Variants in SEC14L1 observed in about 807,000 individuals in gnomAD.
The protein encoded by SEC14L1 is SEC14-like protein 1.
SEC14L1 carries 48 observed loss-of-function variants against 85.3 expected under a neutral mutation model. That is an observed-to-expected ratio of 0.56 (90% CI 0.45 to 0.72). The LOEUF (loss-of-function observed/expected upper bound fraction) is 0.72. Among genes scored for constraint, SEC14L1 ranks in the 30% least tolerant of loss-of-function variants. The pLI, the probability that SEC14L1 is intolerant of heterozygous loss-of-function variation, is 0.00. For synonymous variants in SEC14L1, 391 were observed against 355.5 expected (o/e 1.10, Z -1.12); for missense variants, 682 against 921.4 (o/e 0.74, Z 3.36).
intron 3 of SEC14L1, among the ~76,000 whole-genome samples, chr17:77,118,452 G>A (rs1371250805): frequency 6.6e-6 from 1 of 152,192 alleles, no homozygotes; most frequent in Non-Finnish European, 1.5e-5. Context: ...GATGGAAAAG[G>A]GAACAAAGGT....
chr17:77,103,876 G>GCACCGGGCGGGGTCC (rs1971842249), intron 3 of SEC14L1, among the ~76,000 whole-genome samples: 1 of 150,866 alleles, frequency 6.6e-6, no homozygotes, highest in African/African-American at 2.4e-5. Flanking sequence ...GATCCAGGCG[G>GCACCGGGCGGGGTCC]CACCGGGCGG....
At chr17:77,099,767 A>C (rs190449777) in intron 3 of SEC14L1, among the ~76,000 whole-genome samples, 72 of 152,256 alleles carry the variant, frequency 4.7e-4, no homozygotes, top group African/African-American at 1.3e-3. Context: ...CAAAAACAAA[A>C]AAAATCCTAA....
chr17:77,139,123 C>A (rs1161847514), upstream of SEC14L1, among the ~76,000 whole-genome samples: 1 of 150,486 alleles, frequency 6.6e-6, no homozygotes, highest in Middle Eastern at 3.2e-3. Context: ...TTCCTGTAAA[C>A]TGGTGGTTGC....
At chr17:77,137,204 C>T (rs1972825656), upstream of SEC14L1, among the ~76,000 whole-genome samples, 1 of 152,176 alleles carries the variant, frequency 6.6e-6, no homozygotes, top group African/African-American at 2.4e-5. Flanking sequence ...CCACCACGCT[C>T]AGCCACAAGA....
chr17:77,159,483 C>T lies in SEC14L1; in HGVS notation c.63+15824C>T, dbSNP rs142861222. Among the ~76,000 whole-genome samples the T allele has an allele frequency of 7.0e-3, 1,057 of 151,290 alleles. 8 individuals carry two copies. The highest frequency in any genetic ancestry group is 0.024 in the African/African-American group (990 of 41,154). On this transcript the variant is annotated intron_variant, in intron 3 of 16. Coordinates refer to ENST00000436233, the MANE Select transcript of SEC14L1 (RefSeq NM_001143998.2). Reference sequence around the variant, plus strand: ...GCAACCTCTGTCTCCCAGGTTCAAGCGATTCTTCTCTCTCAGCCTCCCAAG... The same window carrying T: ...GCAACCTCTGTCTCCCAGGTTCAAGTGATTCTTCTCTCTCAGCCTCCCAAG...
In SEC14L1 at chr17:77,213,779, C is replaced by T. The variant is rs1454951279; in HGVS notation, c.2043-139C>T. ...GTCCCCCTGGTGGGTTACTCATGTC[C>T]ATCCCCCGTTTGCAAGCACTGATGG... On this transcript the variant is annotated intron_variant, in intron 16 of 16. Coordinates refer to ENST00000436233, the MANE Select transcript of SEC14L1 (RefSeq NM_001143998.2). The surrounding 1 kb of genome is among the most constrained non-coding windows in gnomAD (Gnocchi z 7.1). 14 of 1,146,220 alleles carry T rather than the reference C, an allele frequency of 1.2e-5. No homozygotes were observed. The East Asian group carries it at 2.2e-4, about 18-fold the overall frequency. 71.0% of individuals were successfully genotyped at this position (1,146,220 alleles called of 1,614,324 possible).
intron 3 of SEC14L1, among the ~76,000 whole-genome samples, chr17:77,132,353 G>A (rs1313573993): frequency 2.0e-5 from 3 of 151,532 alleles, no homozygotes; most frequent in Non-Finnish European, 4.4e-5. Flanking sequence ...CTCCCAAGTA[G>A]CTGCGATTAC....
chr17:77,201,064 A>T (rs1271005527), intron 9 of SEC14L1, among the ~76,000 whole-genome samples: 2 of 152,362 alleles, frequency 1.3e-5, no homozygotes, highest in East Asian at 3.9e-4. Context: ...TGATAGCTTA[A>T]AACGGTTCAG....
chr17:77,136,210 T>TC (rs1430154580), upstream of SEC14L1, among the ~76,000 whole-genome samples: 1 of 151,514 alleles, frequency 6.6e-6, no homozygotes, highest in East Asian at 1.9e-4. Flanking sequence ...GCTTTCTTTC[T>TC]TTTTCTTTTC....
At chr17:77,161,918 CTTCT>C (rs1974080979) in intron 3 of SEC14L1, among the ~76,000 whole-genome samples, 1 of 129,004 alleles carries the variant, frequency 7.8e-6, no homozygotes, top group Non-Finnish European at 1.6e-5. Context: ...CTCTTCTTTT[CTTCT>C]TTCTTCTTCT....
intron 9 of SEC14L1, among the ~76,000 whole-genome samples, chr17:77,201,053 A>G (rs1394060284): frequency 3.3e-5 from 5 of 152,220 alleles, no homozygotes; most frequent in Admixed American, 6.5e-5. Context: ...CTTAAACCCT[A>G]TGATAGCTTA....
At chr17:77,178,338 A>G (rs918107270) in intron 3 of SEC14L1, among the ~76,000 whole-genome samples, 1 of 152,102 alleles carries the variant, frequency 6.6e-6, no homozygotes, top group Non-Finnish European at 1.5e-5. Flanking sequence ...TCAGGAAACA[A>G]ACCTACTACT....
chr17:77,189,853 C>A (rs1975442122), intron 3 of SEC14L1, among the ~76,000 whole-genome samples: 1 of 152,132 alleles, frequency 6.6e-6, no homozygotes, highest in Non-Finnish European at 1.5e-5. Flanking sequence ...TGGTCTCAAT[C>A]TCCTGACCTC....
Position 77,213,241 on chromosome 17 carries a change from G to T in SEC14L1, c.1864-73G>T. Reference sequence around the variant, plus strand: ...AAATCCTAAAGACAGTCCCCTTGGCGCTTGTCAGGCCTGTGGTAGGCCAGG... The same window carrying T: ...AAATCCTAAAGACAGTCCCCTTGGCTCTTGTCAGGCCTGTGGTAGGCCAGG... On this transcript the variant is annotated intron_variant, in intron 15 of 16. Coordinates refer to ENST00000436233, the MANE Select transcript of SEC14L1 (RefSeq NM_001143998.2). This position sits in a 1 kb window ranked among gnomAD's most constrained non-coding sequence, Gnocchi z 7.1. 7.6e-7 allele frequency: 1 copy of T among 1,322,478 alleles called. No individual in the cohort carries two copies. Among genetic ancestry groups the T allele is most frequent in the East Asian group, 2.4e-5 (1 of 41,826 alleles). The allele number at this position is 1,322,478 out of a possible 1,614,324, so 81.9% of individuals were successfully genotyped here.
At chr17:77,169,007 C>CTTTTTTTTTTTTTT (rs71160208) in intron 3 of SEC14L1, among the ~76,000 whole-genome samples, 1 of 77,832 alleles carries the variant, frequency 1.3e-5, no homozygotes, top group Non-Finnish European at 2.4e-5. Context: ...TGAGGAGCAT[C>CTTTTTTTTTTTTTT]TTTTTTTTTT....
intron 3 of SEC14L1, among the ~76,000 whole-genome samples, chr17:77,121,057 A>G (rs547745853): frequency 6.6e-6 from 1 of 152,228 alleles, no homozygotes; most frequent in African/African-American, 2.4e-5. Flanking sequence ...CATCGGTGAG[A>G]TGGTTCTTCA....
chr17:77,115,549 C>T (rs1435173027), intron 3 of SEC14L1, among the ~76,000 whole-genome samples: 1 of 152,190 alleles, frequency 6.6e-6, no homozygotes, highest in Non-Finnish European at 1.5e-5. Context: ...GGGGCTCAGA[C>T]CCTTGCTCCT....
intron 13 of SEC14L1, among the ~76,000 whole-genome samples, chr17:77,207,169 T>C (rs1415762824): frequency 6.6e-6 from 1 of 152,246 alleles, no homozygotes; most frequent in Non-Finnish European, 1.5e-5. Flanking sequence ...TTAGAGGAGC[T>C]GTCATATTTT....
At chr17:77,092,723 C>T (rs551869258) in intron 2 of SEC14L1, among the ~76,000 whole-genome samples, 1 of 151,572 alleles carries the variant, frequency 6.6e-6, no homozygotes, top group Non-Finnish European at 1.5e-5. Context: ...CTGAGGCGGG[C>T]GGATCACCTG....
Sources: gnomAD v4.1 joint callset for allele counts (sites outside exome capture counted in the v4.1 genomes callset) on GRCh38, gnomAD v4.1.1 for gene constraint, Gnocchi (gnomAD v3.1) non-coding constraint, MANE v1.5 for transcripts, NCBI Gene and HGNC (gene_info 2026-07-23, HGNC 2026-07-21) for gene names.